Variants in HYDIN observed in about 807,000 individuals in gnomAD.
HYDIN encodes the protein axonemal central pair apparatus protein HYDIN.
HYDIN carries 132 observed loss-of-function variants against 403.9 expected under a neutral mutation model. The observed-to-expected ratio is 0.33, with a 90% CI of 0.28 to 0.38. HYDIN has a LOEUF of 0.38. Among genes scored for constraint, HYDIN ranks in the 10% least tolerant of loss-of-function variants. HYDIN has a pLI of 1.00. For synonymous variants in HYDIN, 1,202 were observed against 1,891.7 expected, an observed-to-expected ratio of 0.64 and a Z score of 9.46; for missense variants, 2,827 against 5,009.5, an observed-to-expected ratio of 0.56 and a Z score of 13.15.
chr16:70,968,657 C>T (rs549452726), intron 36 of HYDIN, among the ~76,000 whole-genome samples: 5,499 of 151,692 alleles, frequency 0.036, 110 homozygotes, highest in African/African-American at 0.12. Context: ...TCTCCTTGCC[C>T]AAGTCATTTC....
chr16:70,864,373 A>C (rs1423945684), intron 67 of HYDIN, among the ~76,000 whole-genome samples: 10 of 119,778 alleles, frequency 8.3e-5, no homozygotes, highest in African/African-American at 2.2e-4. Context: ...AAAAAAAAAA[A>C]AAAAAAAAAA....
chr16:70,910,015 C>A (rs1248932337), intron 47 of HYDIN, among the ~76,000 whole-genome samples: 1 of 152,050 alleles, frequency 6.6e-6, no homozygotes, highest in African/African-American at 2.4e-5. Flanking sequence ...TATTTATAGA[C>A]ATTTTTTCCC....
chr16:71,210,800 GC>G (rs1377023401), intron 1 of HYDIN, among the ~76,000 whole-genome samples: 1 of 151,870 alleles, frequency 6.6e-6, no homozygotes, highest in Non-Finnish European at 1.5e-5. Flanking sequence ...TTGTTACTTG[GC>G]CCTACAGAAT....
chr16:71,102,239 T>C (rs1472672919), intron 10 of HYDIN, among the ~76,000 whole-genome samples: 5 of 152,038 alleles, frequency 3.3e-5, no homozygotes, highest in African/African-American at 7.2e-5. Flanking sequence ...TTCTAAAATA[T>C]GGTAGAGTCC....
At position 71,020,095 on chromosome 16, in the gene HYDIN, G is replaced by A. The variant is rs1336841984; in HGVS notation, c.3330+79C>T. 6.6e-6 allele frequency: 9 copies of A among 1,358,794 alleles called. No homozygotes were observed. The East Asian group carries it at 1.9e-4, about 29-fold the overall frequency. 84.2% of individuals were successfully genotyped at this position (1,358,794 alleles called of 1,614,324 possible). A position where few individuals can be genotyped will look rare whatever the true frequency, so the allele number is the denominator to read the frequency against. On this transcript the variant is annotated intron_variant, in intron 22 of 85. Transcript: ENST00000393567. ...TCTTTCTGAGCTGAAGTTGGGTGGT[G>A]TATCATTACTCTTCTCTTCCTTTAT...
intron 47 of HYDIN, among the ~76,000 whole-genome samples, chr16:70,911,828 T>A (rs1256624785): frequency 6.0e-5 from 9 of 150,226 alleles, no homozygotes; most frequent in African/African-American, 2.3e-4. Context: ...TTTCACCTCC[T>A]TGGTTAGGTA....
chr16:71,130,485 T>G (rs1026914910), intron 8 of HYDIN, among the ~76,000 whole-genome samples: 7 of 140,166 alleles, frequency 5.0e-5, no homozygotes, highest in Admixed American at 1.4e-4. Flanking sequence ...TTTTTTTTTT[T>G]TTTTTTTTTT....
intron 43 of HYDIN, among the ~76,000 whole-genome samples, chr16:70,939,428 G>A (rs1292283168): frequency 6.6e-6 from 1 of 152,010 alleles, no homozygotes; most frequent in Non-Finnish European, 1.5e-5. Context: ...AATTTCTCCT[G>A]GTTAAATTGT....
intron 39 of HYDIN, among the ~76,000 whole-genome samples, chr16:70,958,259 T>C (rs1016140356): frequency 3.3e-5 from 5 of 151,246 alleles, no homozygotes; most frequent in African/African-American, 1.2e-4. Context: ...ATAACTTATA[T>C]TGATCAGTCT....
chr16:71,225,271 G>A (rs1376470316), intron 1 of HYDIN, among the ~76,000 whole-genome samples: 1 of 152,014 alleles, frequency 6.6e-6, no homozygotes, highest in Non-Finnish European at 1.5e-5. Flanking sequence ...CCCAAACCTG[G>A]GCCTGGAACA....
intron 45 of HYDIN, among the ~76,000 whole-genome samples, chr16:70,932,613 T>C (rs1256273685): frequency 6.6e-6 from 1 of 152,232 alleles, no homozygotes; most frequent in Non-Finnish European, 1.5e-5. Context: ...GGTTTTCGTT[T>C]GTTTGTTTTG....
intron 1 of HYDIN, among the ~76,000 whole-genome samples, chr16:71,220,140 C>G (rs1202754906): frequency 6.6e-6 from 1 of 152,144 alleles, no homozygotes; most frequent in East Asian, 1.9e-4. Flanking sequence ...ATCTGTTACA[C>G]AGATCCCGAA....
At chr16:70,838,682 G>A (rs1473609546) in intron 76 of HYDIN, among the ~76,000 whole-genome samples, 1 of 152,124 alleles carries the variant, frequency 6.6e-6, no homozygotes, top group South Asian at 2.1e-4. Flanking sequence ...GAAGAGTTAT[G>A]TGGCCCACTT....
At chr16:70,997,306 T>C (rs372049060) in intron 23 of HYDIN, among the ~76,000 whole-genome samples, 42 of 139,848 alleles carry the variant, frequency 3.0e-4, no homozygotes, top group African/African-American at 9.5e-4. Context: ...CCTTGGGGAG[T>C]TGAGAACCCC....
At chr16:71,033,375 C>A (rs1427810593) in intron 18 of HYDIN, among the ~76,000 whole-genome samples, 1 of 152,112 alleles carries the variant, frequency 6.6e-6, no homozygotes, top group Non-Finnish European at 1.5e-5. Context: ...ATTAATACTA[C>A]TAAAATTCTA....
At chr16:70,899,669 T>C (rs2076307856) in intron 53 of HYDIN, among the ~76,000 whole-genome samples, 1 of 152,220 alleles carries the variant, frequency 6.6e-6, no homozygotes, top group Admixed American at 6.5e-5. Flanking sequence ...ATGCAGTTCA[T>C]ATAAGAAAGT....
At chr16:71,043,598 A>T (rs1194367708) in intron 18 of HYDIN, among the ~76,000 whole-genome samples, 1 of 151,834 alleles carries the variant, frequency 6.6e-6, no homozygotes, top group Admixed American at 6.6e-5. Context: ...CTTTTAAAAA[A>T]TATCATTCTG....
intron 8 of HYDIN, among the ~76,000 whole-genome samples, chr16:71,136,154 T>G (rs1424553020): frequency 1.5e-5 from 2 of 132,556 alleles, no homozygotes; most frequent in Non-Finnish European, 3.2e-5. Flanking sequence ...ATGGATTCAG[T>G]AAAAAGAAAT....
intron 83 of HYDIN, among the ~76,000 whole-genome samples, chr16:70,819,014 A>C (rs1321598554): frequency 1.3e-5 from 2 of 151,192 alleles, no homozygotes; most frequent in East Asian, 1.9e-4. Context: ...TCCGGGTTCA[A>C]GTGATTCTCC....
Sources: allele counts gnomAD v4.1 joint callset (sites outside exome capture counted in the v4.1 genomes callset), GRCh38; gene constraint gnomAD v4.1.1; transcripts MANE v1.5; gene names NCBI Gene and HGNC (gene_info 2026-07-23, HGNC 2026-07-21).